Variants in RNF151 observed in about 807,000 individuals in gnomAD.
RNF151 encodes the protein ring finger protein 151.
A neutral mutation model predicts 11.1 loss-of-function variants in RNF151; 9 were observed. The ratio of observed to expected loss-of-function variants is 0.81; its 90% CI spans 0.49 to 1.42. The LOEUF (loss-of-function observed/expected upper bound fraction) is 1.42, where lower values mean the gene tolerates loss of function less well. Ranked by LOEUF, RNF151 falls within the 40% of genes most tolerant of loss-of-function variation. The pLI, the probability that RNF151 is intolerant of heterozygous loss-of-function variation, is 0.00. For missense variants in RNF151, 372 were observed against 342.9 expected, an observed-to-expected ratio of 1.08 and a Z score of -0.67; for synonymous variants, 172 against 140.7, an observed-to-expected ratio of 1.22 and a Z score of -1.58.
At chr16:1,968,381 G>T in intron 3 of RNF151, 53 bp from the exon 4 acceptor site, 1 of 1,463,550 alleles carries the variant, frequency 6.8e-7, no homozygotes, top group South Asian at 1.4e-5. Context: ...CAGGGGTGGG[G>T]GATTCCGTGG....
At position 1,967,807 on chromosome 16, in the gene RNF151, C is replaced by T. The variant is rs760660528; in HGVS notation, c.232C>T (p.Arg78Cys). Residue 78 changes from arginine to cysteine, a missense_variant, in exon 3 of 4, where the codon CGC becomes TGC. Transcript: ENST00000569714. ...GAATAAACTCCGGAAAACCATTGGC[C>T]GCCTGGAAGTCAAGGTAGCTCAAAG... Reference protein sequence around the residue: ...HMNKLRKTIGRLEVKCKNADA... With the variant: ...HMNKLRKTIGCLEVKCKNADA... The T allele has an allele frequency of 1.8e-5, 29 of 1,608,358 alleles. No individual in the cohort carries two copies. Among genetic ancestry groups the T allele is most frequent in the East Asian group, 1.3e-4 (6 of 44,762 alleles).
chr16:1,967,109 C>T, intron 1 of RNF151, 165 bp from the exon 2 acceptor site: 2 of 529,906 alleles, frequency 3.8e-6, no homozygotes, highest in African/African-American at 4.1e-5. Context: ...GTGGGGGGCC[C>T]TAACCCCCAC....
In RNF151 at chr16:1,968,473, CT is replaced by C; in HGVS notation, c.287del (p.Leu96ArgfsTer15). On this transcript the variant is annotated frameshift_variant, in exon 4 of 4. Coordinates refer to ENST00000569714, the MANE Select transcript of RNF151 (RefSeq NM_174903.6). LOFTEE classifies it low-confidence loss of function (END_TRUNC). ...ADAGCIVTCP[L>X]AHRKGHQDSC... Reference sequence around the variant, plus strand: ...CGCTGGCTGCATAGTGACATGCCCCCTGGCCCATCGCAAGGGGCACCAGGAC... The same window carrying C: ...CGCTGGCTGCATAGTGACATGCCCCCGGCCCATCGCAAGGGGCACCAGGAC... The C allele has an allele frequency of 1.9e-6, 3 of 1,587,206 alleles. No individual in the cohort carries two copies. The highest frequency in any genetic ancestry group is 2.6e-6 in the Non-Finnish European group (3 of 1,163,816).
chr16:1,967,345 G>C lies in RNF151; in HGVS notation c.75G>C (p.Gly25=). 2 of 1,613,718 alleles carry C rather than the reference G, an allele frequency of 1.2e-6. No homozygotes were observed. The highest frequency in any genetic ancestry group is 1.3e-5 in the African/African-American group (1 of 75,040). The change falls in exon 2 of 4, where the codon GGG becomes GGC. Residue 25 remains glycine (G), a synonymous_variant. Transcript: ENST00000569714. ...DSNFVCSVCH[G]VLKRPARLPC... is the part of the protein sequence containing the mutation. ...ACTTCGTGTGCTCCGTCTGCCATGG[G>C]GTTCTCAAGAGGCCAGCAAGGTTGC...
rs2083335693 is a variant in RNF151 at position 1,968,770 on chromosome 16, G to T, written c.583G>T (p.Val195Phe). The stretch of plus-strand genomic sequence containing the variant: ...GCGCTGGCTGGACCAAGCCACCAGT[G>T]TCGTTCGTAGAGAGCTGGCGGAGCT... ...RVRWLDQATSVVRRELAELSN... is the reference protein window; with the variant it reads ...RVRWLDQATSFVRRELAELSN... Residue 195 changes from valine (V) to phenylalanine (F), a missense_variant, in exon 4 of 4, where the codon GTC becomes TTC. Physicochemically the swap from Val to Phe is conservative, Grantham distance 50. Transcript: ENST00000569714. 2 of 1,586,656 alleles carry T rather than the reference G, an allele frequency of 1.3e-6. No individual in the cohort carries two copies. The highest frequency in any genetic ancestry group is 2.7e-5 in the African/African-American group (2 of 74,264).
chr16:1,967,773 T>G lies in RNF151; in HGVS notation c.198T>G (p.Val66=), dbSNP rs2083324598. 1 of 1,612,326 alleles carries G rather than the reference T, an allele frequency of 6.2e-7. No homozygotes were observed. The highest frequency in any genetic ancestry group is 1.1e-5 in the South Asian group (1 of 90,630). ...GGAAAGAGGTGAAAAGGAAAAAGGT[T>G]GTCCACATGAATAAACTCCGGAAAA... ...CCRKEVKRKK[V]VHMNKLRKTI... Residue 66 remains valine, a synonymous_variant, in exon 3 of 4, where the codon GTT becomes GTG. Transcript: ENST00000569714.
chr16:1,967,658 G>A (rs1050484573), intron 2 of RNF151, 67 bp from the exon 3 acceptor site: 65 of 1,321,624 alleles, frequency 4.9e-5, no homozygotes, highest in Non-Finnish European at 6.7e-5. Context: ...CTGGGTCACC[G>A]AGTGAGGGCT....
At chr16:1,966,976 CG>C in intron 1 of RNF151, 92 bp downstream of exon 1, 1 of 1,418,358 alleles carries the variant, frequency 7.1e-7, no homozygotes, top group Non-Finnish European at 9.6e-7. Flanking sequence ...CCACTCCACT[CG>C]GAAAGGGTGG....
chr16:1,967,250 G>A, intron 1 of RNF151, 24 bp from the exon 2 acceptor site: 1 of 1,606,570 alleles, frequency 6.2e-7, no homozygotes, highest in Admixed American at 1.7e-5. Flanking sequence ...GTCCCAGCCA[G>A]GTGCTGACAC....
intron 1 of RNF151, 141 bp downstream of exon 1, chr16:1,967,025 C>G (rs1490773542): frequency 1.8e-6 from 2 of 1,138,788 alleles, no homozygotes; most frequent in African/African-American, 3.1e-5. Flanking sequence ...ACAAGGAAAC[C>G]TTCTGGAAGG....
In RNF151 at chr16:1,968,685, C is replaced by T. The variant is rs372737172; in HGVS notation, c.498C>T (p.Asn166=). ...ARHNCYRELH[N]AWSVRQERRR... The stretch of plus-strand genomic sequence containing the variant: ...ACAACTGCTACCGGGAGCTGCACAA[C>T]GCCTGGAGCGTGCGCCAGGAGCGCC... The change falls in exon 4 of 4, where the codon AAC becomes AAT. Residue 166 remains asparagine, a synonymous_variant. Coordinates refer to ENST00000569714, the MANE Select transcript of RNF151 (RefSeq NM_174903.6). 3.5e-4 allele frequency: 541 copies of T among 1,567,054 alleles called. 1 individual carries two copies. In the African/African-American group the frequency reaches 5.4e-3, roughly 16 times the overall value.
At position 1,967,433 on chromosome 16, in the gene RNF151, C is replaced by T. The variant is rs2083321574; in HGVS notation, c.149+14C>T. ...GTGGCTAGCCAGGTGCCAGCGGGTA[C>T]CCAAGGGGCTGGGAGGGCAGGAGTG... is the stretch of plus-strand genomic sequence containing the variant. On this transcript the variant is annotated intron_variant, in intron 2 of 3. Transcript: ENST00000569714. 1.2e-6 allele frequency: 2 copies of T among 1,610,270 alleles called. No homozygotes were observed. Among genetic ancestry groups the T allele is most frequent in the African/African-American group, 1.3e-5 (1 of 74,880 alleles).
At position 1,968,591 on chromosome 16, in the gene RNF151, A is replaced by G. The variant is rs1429153170; in HGVS notation, c.404A>G (p.Gln135Arg). ...GTLAEHRQHCQQGSQQRCPLG... is the reference protein window; with the variant it reads ...GTLAEHRQHCRQGSQQRCPLG... ...CTGGCAGAGCACCGGCAGCATTGCCAGCAAGGGTCCCAGCAGCGCTGCCCC... is the reference window on the plus strand; with the variant it reads ...CTGGCAGAGCACCGGCAGCATTGCCGGCAAGGGTCCCAGCAGCGCTGCCCC... The change falls in exon 4 of 4, where the codon CAG becomes CGG. Residue 135 changes from glutamine to arginine, a missense_variant. Physicochemically the swap from Gln to Arg is conservative, Grantham distance 43. Transcript: ENST00000569714. The G allele has an allele frequency of 6.3e-7, 1 of 1,592,898 alleles. No individual in the cohort carries two copies. The highest frequency in any genetic ancestry group is 1.3e-5 in the African/African-American group (1 of 74,276).
intron 1 of RNF151, 100 bp from the exon 2 acceptor site, chr16:1,967,174 C>A (rs1282052308): frequency 6.8e-7 from 1 of 1,460,616 alleles, no homozygotes; most frequent in Non-Finnish European, 9.2e-7. Flanking sequence ...AGTTCTGTGG[C>A]CCACCTCCCT....
chr16:1,967,428 G>A lies in RNF151; in HGVS notation c.149+9G>A, dbSNP rs770255945. ...CTCCGGTGGCTAGCCAGGTGCCAGC[G>A]GGTACCCAAGGGGCTGGGAGGGCAG... On this transcript the variant is annotated intron_variant, in intron 2 of 3. Coordinates refer to ENST00000569714, the MANE Select transcript of RNF151 (RefSeq NM_174903.6). The A allele has an allele frequency of 5.7e-5, 92 of 1,611,078 alleles. No individual in the cohort carries two copies. The highest frequency in any genetic ancestry group is 3.3e-4 in the Middle Eastern group (2 of 6,078).
rs752102708 is a variant in RNF151 at position 1,968,923 on chromosome 16, T to C, written c.736T>C (p.Ter246GlnextTer?). ...GEPRANIPCK* is the reference protein window; with the variant it reads ...GEPRANIPCKQ ...GCCCAGGGCCAACATACCTTGTAAA[T>C]AGGTAAATAAAAGCAGACCCCCGGC... The change falls in exon 4 of 4, where the codon TAG becomes CAG. Residue 246 changes from the stop codon to glutamine, a stop_lost. Coordinates refer to ENST00000569714, the MANE Select transcript of RNF151 (RefSeq NM_174903.6). The C allele has an allele frequency of 1.5e-5, 24 of 1,587,498 alleles. 1 individual carries two copies. The East Asian group carries it at 3.4e-4, about 23-fold the overall frequency.
In RNF151 at chr16:1,967,388, T is replaced by C. The variant is rs747507428; in HGVS notation, c.118T>C (p.Cys40Arg). ...PARLPCSHIF[C>R]KKCILRWLAR... is the part of the protein sequence containing the mutation. ...AAGGTTGCCATGCAGCCACATCTTCTGCAAAAAGTGCATCCTCCGGTGGCT... is the reference window on the plus strand; with the variant it reads ...AAGGTTGCCATGCAGCCACATCTTCCGCAAAAAGTGCATCCTCCGGTGGCT... The change falls in exon 2 of 4, where the codon TGC becomes CGC. Residue 40 changes from cysteine (C) to arginine (R), a missense_variant. By Grantham distance (180) the Cys-to-Arg change is radical. Transcript: ENST00000569714. 1 of 1,613,658 alleles carries C rather than the reference T, an allele frequency of 6.2e-7. No individual in the cohort carries two copies.
At chr16:1,967,568 G>A (rs971171248) in intron 2 of RNF151, 149 bp downstream of exon 2, 5 of 949,182 alleles carry the variant, frequency 5.3e-6, no homozygotes, top group African/African-American at 1.6e-5. Context: ...AGTAGTGTCT[G>A]CAGACCCCGG....
At chr16:1,967,628 C>G in intron 2 of RNF151, 97 bp from the exon 3 acceptor site, 3 of 1,075,068 alleles carry the variant, frequency 2.8e-6, no homozygotes, top group East Asian at 2.6e-5. Context: ...AATGCCTCAT[C>G]CAGCTAATGA....
Sources: allele counts gnomAD v4.1 joint callset, GRCh38; gene constraint gnomAD v4.1.1; transcripts MANE v1.5; gene names NCBI Gene and HGNC (gene_info 2026-07-23, HGNC 2026-07-21).